PXDN: variants seen among roughly 807,000 people sequenced by gnomAD.
PXDN encodes peroxidasin.
A neutral mutation model predicts 140.3 loss-of-function variants in PXDN; 77 were observed. That is an observed-to-expected ratio of 0.55 (90% confidence interval 0.46 to 0.66). PXDN has a LOEUF of 0.66. PXDN is among the 30% of genes least tolerant of loss of function. The pLI is 0.00. For synonymous variants in PXDN, 911 were observed against 857.4 expected, an observed-to-expected ratio of 1.06 and a Z score of -1.09; for missense variants, 1,838 against 2,039.5, an observed-to-expected ratio of 0.90 and a Z score of 1.90.
intron 15 of PXDN, 22 bp downstream of exon 15, chr2:1,654,378 C>G: frequency 6.4e-7 from 1 of 1,550,446 alleles, no homozygotes; most frequent in South Asian, 1.1e-5. Flanking sequence ...TGAGGGTCAG[C>G]GTGTTTACAG....
At chr2:1,680,086 T>G in intron 7 of PXDN, 107 bp downstream of exon 7, 1 of 1,330,180 alleles carries the variant, frequency 7.5e-7, no homozygotes, top group Non-Finnish European at 1.0e-6. Context: ...TGTGTAAATG[T>G]GTGTGTGTGG....
chr2:1,666,139 G>A, intron 10 of PXDN, 75 bp downstream of exon 10: 2 of 1,559,642 alleles, frequency 1.3e-6, no homozygotes, highest in Non-Finnish European at 1.7e-6. Context: ...GCGTCTGTGG[G>A]TATGGCAGCG....
At chr2:1,709,083 C>T (rs1684690455) in intron 1 of PXDN, among the ~76,000 whole-genome samples, 1 of 152,150 alleles carries the variant, frequency 6.6e-6, no homozygotes, top group South Asian at 2.1e-4. Flanking sequence ...CCGTCTGGTC[C>T]CTGCGCCCTG....
At chr2:1,671,120 G>A (rs1464973679) in intron 9 of PXDN, among the ~76,000 whole-genome samples, 1 of 152,114 alleles carries the variant, frequency 6.6e-6, no homozygotes, top group African/African-American at 2.4e-5. Flanking sequence ...CATCAACTCA[G>A]AGGGATGAAC....
chr2:1,733,398 A>G lies in PXDN; in HGVS notation c.200+10858T>C, dbSNP rs1685354321. Reference sequence around the variant, plus strand: ...CACACAGACGTTGTACTGACACGATATGGGTGTCAGTAGATTCCTCATGGG... The same window carrying G: ...CACACAGACGTTGTACTGACACGATGTGGGTGTCAGTAGATTCCTCATGGG... On this transcript the variant is annotated intron_variant, in intron 1 of 22. Coordinates refer to ENST00000252804, the MANE Select transcript of PXDN (RefSeq NM_012293.3). 2.0e-5 allele frequency among the ~76,000 whole-genome samples: 3 copies of G among 152,268 alleles called. No homozygotes were observed. The South Asian group carries it at 6.2e-4, about 32-fold the overall frequency.
chr2:1,699,671 T>C (rs531138425), intron 1 of PXDN, among the ~76,000 whole-genome samples: 11 of 152,200 alleles, frequency 7.2e-5, no homozygotes, highest in East Asian at 3.9e-4. Context: ...GGTAGCACCA[T>C]TGCACTCCAG....
At chr2:1,654,589 T>A in intron 14 of PXDN, 81 bp from the exon 15 acceptor site, 1 of 822,830 alleles carries the variant, frequency 1.2e-6, no homozygotes, top group Non-Finnish European at 1.9e-6. Flanking sequence ...ACTACATCAT[T>A]AGCCACAAGG....
chr2:1,720,653 C>CTCTCTCTGCATCTCTT (rs1404780203), intron 1 of PXDN, among the ~76,000 whole-genome samples: 2 of 151,822 alleles, frequency 1.3e-5, no homozygotes, highest in African/African-American at 2.4e-5. Flanking sequence ...ATCTCTTTCT[C>CTCTCTCTGCATCTCTT]TCTCTCTGCA....
chr2:1,637,252 G>A (rs1299227543), intron 21 of PXDN, among the ~76,000 whole-genome samples: 1 of 152,198 alleles, frequency 6.6e-6, no homozygotes, highest in Admixed American at 6.5e-5. Flanking sequence ...CCCCAGCACG[G>A]ACCCCAAGGG....
At chr2:1,722,108 G>T (rs541333948) in intron 1 of PXDN, among the ~76,000 whole-genome samples, 2 of 152,204 alleles carry the variant, frequency 1.3e-5, no homozygotes, top group Admixed American at 1.3e-4. Flanking sequence ...TAATGAACCC[G>T]AGAGGTGTTG....
chr2:1,679,909 GGT>G lies in PXDN; in HGVS notation c.730+282_730+283del, dbSNP rs148639907. Reference sequence around the variant, plus strand: ...GTCTATAAATGGTGTGTGTGTAAATGGTGTGTGTGTGGATGGTGTGTGTGTGT... The same window carrying G: ...GTCTATAAATGGTGTGTGTGTAAATGGTGTGTGTGGATGGTGTGTGTGTGT... On this transcript the variant is annotated intron_variant, in intron 7 of 22. Coordinates refer to ENST00000252804, the MANE Select transcript of PXDN (RefSeq NM_012293.3). Among the ~76,000 whole-genome samples the G allele has an allele frequency of 8.1e-4, 112 of 137,458 alleles. 3 individuals carry two copies. The highest frequency in any genetic ancestry group is 1.4e-3 in the African/African-American group (50 of 36,574). 90.2% of individuals were successfully genotyped at this position (137,458 alleles called of 152,430 possible).
chr2:1,639,256 T>C lies in PXDN; in HGVS notation c.4073+46A>G. 2 of 1,584,022 alleles carry C rather than the reference T, an allele frequency of 1.3e-6. No homozygotes were observed. The highest frequency in any genetic ancestry group is 1.3e-5 in the African/African-American group (1 of 74,272). On this transcript the variant is annotated intron_variant, in intron 20 of 22. Coordinates refer to ENST00000252804, the MANE Select transcript of PXDN (RefSeq NM_012293.3). The surrounding 1 kb of genome is among the most constrained non-coding windows in gnomAD (Gnocchi z 5.0). ...CGGTCCTACTGCCCGACGCCCGCGGTGCGAGGGCCCCTCTGCACATCATTT... is the reference window on the plus strand; with the variant it reads ...CGGTCCTACTGCCCGACGCCCGCGGCGCGAGGGCCCCTCTGCACATCATTT...
At chr2:1,653,322 G>C in intron 16 of PXDN, 1 of 396,268 alleles carries the variant, frequency 2.5e-6, no homozygotes. Context: ...TGTTGCAGAG[G>C]GACTGGGCTT....
intron 9 of PXDN, among the ~76,000 whole-genome samples, chr2:1,671,753 C>T (rs1683582530): frequency 6.6e-6 from 1 of 152,150 alleles, no homozygotes; most frequent in African/African-American, 2.4e-5. Flanking sequence ...TTACCATAGT[C>T]CGTGACAGCA....
rs552515381 is a variant in PXDN, at chr2:1,660,048, G to A, written c.1837+833C>T. Among the ~76,000 whole-genome samples the A allele has an allele frequency of 2.0e-5, 3 of 152,294 alleles. No individual in the cohort carries two copies. Among genetic ancestry groups the A allele is most frequent in the South Asian group, 4.1e-4 (2 of 4,822 alleles). ...ACCCCGTGAAGGGGGGTTTGTGCGCGTTCTCAGAGTGTTGCTAACTCTAGG... is the reference window on the plus strand; with the variant it reads ...ACCCCGTGAAGGGGGGTTTGTGCGCATTCTCAGAGTGTTGCTAACTCTAGG... On this transcript the variant is annotated intron_variant, in intron 14 of 22. Transcript: ENST00000252804. This position sits in a 1 kb window ranked among gnomAD's most constrained non-coding sequence, Gnocchi z 4.6.
intron 1 of PXDN, among the ~76,000 whole-genome samples, chr2:1,723,703 A>AATGG (rs1214455303): frequency 6.6e-6 from 1 of 151,914 alleles, no homozygotes; most frequent in Non-Finnish European, 1.5e-5. Context: ...TGGATGGATG[A>AATGG]ATGGATGGAT....
chr2:1,711,908 AG>A lies in PXDN; in HGVS notation c.201-18775del, dbSNP rs1377092499. ...TCAGGAGGCAGGAGGCTGACCCAGG[AG>A]GTCCTCCTCATCCAAAGCTCTGCTT... On this transcript the variant is annotated intron_variant, in intron 1 of 22. Transcript: ENST00000252804. 3.9e-5 allele frequency among the ~76,000 whole-genome samples: 6 copies of A among 152,348 alleles called. No individual in the cohort carries two copies. In the East Asian group the frequency reaches 1.2e-3, roughly 29 times the overall value.
At chr2:1,643,252 T>C in intron 19 of PXDN, 116 bp downstream of exon 19, 1 of 1,074,774 alleles carries the variant, frequency 9.3e-7, no homozygotes, top group Non-Finnish European at 1.3e-6. Flanking sequence ...TAAAGCTGAA[T>C]ATTTTGTTTT....
rs7560221 is a variant in PXDN at position 1,687,226 on chromosome 2, C to T, written c.416+406G>A. Among the ~76,000 whole-genome samples the T allele has an allele frequency of 0.25, 37,680 of 152,162 alleles. 4,979 individuals carry two copies. The highest frequency in any genetic ancestry group is 0.33 in the Middle Eastern group (97 of 294). On this transcript the variant is annotated intron_variant, in intron 4 of 22. Transcript: ENST00000252804. This position sits in a 1 kb window ranked among gnomAD's most constrained non-coding sequence, Gnocchi z 4.0. ...CACAGTCATAAGGAGGAACAGTGAA[C>T]GAGGCAAAGAGCCCTCTCCTCCCCG...
Sources: gnomAD v4.1 joint callset for allele counts (sites outside exome capture counted in the v4.1 genomes callset) on GRCh38, gnomAD v4.1.1 for gene constraint, Gnocchi (gnomAD v3.1) non-coding constraint, MANE v1.5 for transcripts, NCBI Gene and HGNC (gene_info 2026-07-23, HGNC 2026-07-21) for gene names.